Variants in SNTG2 observed in about 807,000 individuals in gnomAD.
The protein encoded by SNTG2 is gamma-2-syntrophin.
In SNTG2, 74 loss-of-function variants were observed where a neutral mutation model predicts 70.9. The observed-to-expected ratio is 1.04, with a 90% CI of 0.86 to 1.27. The LOEUF is 1.27. Ranked by LOEUF, SNTG2 falls within the 50% of genes most tolerant of loss-of-function variation. SNTG2 has a pLI of 0.00. For synonymous variants in SNTG2, 278 were observed against 273.8 expected (o/e 1.02, Z -0.15); for missense variants, 717 against 690.7 (o/e 1.04, Z -0.43).
At chr2:1,200,055 C>T (rs1673180695) in intron 8 of SNTG2, among the ~76,000 whole-genome samples, 1 of 151,578 alleles carries the variant, frequency 6.6e-6, no homozygotes, top group Admixed American at 6.6e-5. Flanking sequence ...GCATGAATAG[C>T]CAAAGCAATC....
In SNTG2 at chr2:951,763, C is replaced by T. The variant is rs148252418; in HGVS notation, c.72+695C>T. ...CTTCAAGTTGCCACCCACAGCACAG[C>T]CTCGAGTTGTGAAAACAGTTTAAGG... is the stretch of plus-strand genomic sequence containing the variant. On this transcript the variant is annotated intron_variant, in intron 1 of 16. Coordinates refer to ENST00000308624, the MANE Select transcript of SNTG2 (RefSeq NM_018968.4). Among the ~76,000 whole-genome samples, 5 of 152,336 alleles carry T rather than the reference C, an allele frequency of 3.3e-5. No individual in the cohort carries two copies. The East Asian group carries it at 5.8e-4, about 18-fold the overall frequency.
At chr2:1,030,793 C>CT (rs1292631971) in intron 1 of SNTG2, among the ~76,000 whole-genome samples, 2 of 152,226 alleles carry the variant, frequency 1.3e-5, no homozygotes, top group Non-Finnish European at 2.9e-5. Flanking sequence ...TGTGCATTTA[C>CT]TGATTTCCTT....
intron 1 of SNTG2, among the ~76,000 whole-genome samples, chr2:1,006,102 G>A (rs1659562599): frequency 1.4e-5 from 2 of 146,590 alleles, no homozygotes; most frequent in Non-Finnish European, 3.0e-5. Context: ...CTCACTCATA[G>A]GTGGGAATTG....
At chr2:1,052,714 T>C (rs1433387951) in intron 1 of SNTG2, among the ~76,000 whole-genome samples, 3 of 152,210 alleles carry the variant, frequency 2.0e-5, no homozygotes, top group African/African-American at 4.8e-5. Context: ...TGCCATCCTT[T>C]CGTGGAAGCA....
intron 1 of SNTG2, among the ~76,000 whole-genome samples, chr2:1,008,537 A>C: frequency 6.6e-6 from 1 of 152,338 alleles, no homozygotes; most frequent in East Asian, 1.9e-4. Flanking sequence ...AGTGTACTGC[A>C]TTAAAACATG....
intron 8 of SNTG2, among the ~76,000 whole-genome samples, chr2:1,178,583 A>G (rs1030551937): frequency 6.6e-6 from 1 of 151,926 alleles, no homozygotes; most frequent in Non-Finnish European, 1.5e-5. Flanking sequence ...GTCATTGGTT[A>G]TATTTATGTG....
At chr2:1,320,064 C>A (rs1463703504) in intron 16 of SNTG2, among the ~76,000 whole-genome samples, 3 of 152,040 alleles carry the variant, frequency 2.0e-5, no homozygotes, top group Non-Finnish European at 4.4e-5. Flanking sequence ...GAGTGGTAAC[C>A]ATGAAACAAG....
intron 1 of SNTG2, among the ~76,000 whole-genome samples, chr2:999,053 A>G (rs1661783625): frequency 6.6e-6 from 1 of 152,156 alleles, no homozygotes; most frequent in Non-Finnish European, 1.5e-5. Flanking sequence ...ACTAAGCTTC[A>G]TAAATGAGGG....
In SNTG2 at chr2:1,247,453, C is replaced by T. The variant is rs748106615; in HGVS notation, c.1005+10C>T. On this transcript the variant is annotated intron_variant, in intron 12 of 16. Transcript: ENST00000308624. ...TTTCAGCACTCCTCCGGTAAGGATG[C>T]TTTTGACACTCCACAGGGAGGGGCT... is the stretch of plus-strand genomic sequence containing the variant. 1.3e-6 allele frequency: 2 copies of T among 1,571,320 alleles called. No homozygotes were observed. Among genetic ancestry groups the T allele is most frequent in the Admixed American group, 1.7e-5 (1 of 59,876 alleles).
chr2:1,177,287 C>T (rs889175089), intron 8 of SNTG2, among the ~76,000 whole-genome samples: 1 of 151,978 alleles, frequency 6.6e-6, no homozygotes, highest in African/African-American at 2.4e-5. Flanking sequence ...TATGAGAACA[C>T]ATGGAGGGGA....
intron 8 of SNTG2, among the ~76,000 whole-genome samples, chr2:1,197,473 G>A (rs1338764499): frequency 7.3e-6 from 1 of 136,252 alleles, no homozygotes; most frequent in Non-Finnish European, 1.6e-5. Flanking sequence ...ATATATATAT[G>A]TGTATATATA....
intron 9 of SNTG2, among the ~76,000 whole-genome samples, chr2:1,221,353 C>T (rs1235258457): frequency 7.2e-5 from 11 of 151,932 alleles, no homozygotes; most frequent in Non-Finnish European, 1.2e-4. Flanking sequence ...GTCTCTGCCT[C>T]TGTCTCTGCC....
intron 1 of SNTG2, among the ~76,000 whole-genome samples, chr2:1,055,451 G>C (rs1051495635): frequency 6.6e-6 from 1 of 152,074 alleles, no homozygotes; most frequent in Non-Finnish European, 1.5e-5. Context: ...GACCCACACA[G>C]AAAGAATGCA....
intron 1 of SNTG2, among the ~76,000 whole-genome samples, chr2:1,022,998 A>G (rs1470223721): frequency 6.6e-6 from 1 of 152,222 alleles, no homozygotes; most frequent in African/African-American, 2.4e-5. Flanking sequence ...TGAGACTGGC[A>G]GCAAATGAGA....
intron 1 of SNTG2, among the ~76,000 whole-genome samples, chr2:965,086 CTGGA>C (rs1660489512): frequency 6.6e-6 from 1 of 151,554 alleles, no homozygotes; most frequent in Non-Finnish European, 1.5e-5. Flanking sequence ...CAGTCCTCCT[CTGGA>C]CTCCAGTTCT....
At chr2:1,309,806 A>C (rs1680892143) in intron 15 of SNTG2, among the ~76,000 whole-genome samples, 1 of 152,272 alleles carries the variant, frequency 6.6e-6, no homozygotes, top group South Asian at 2.1e-4. Context: ...TCTGCCATCC[A>C]GTATCCAGGT....
Position 1,173,120 on chromosome 2 carries a change from C to A in SNTG2, c.528C>A (p.Ser176Arg), listed in dbSNP as rs760810661. Reference sequence around the variant, plus strand: ...CCCCAGGGCCATCCAGCGACCACAGCAGTGGGGCCTCCTCTCCCCTCTTTG... The same window carrying A: ...CCCCAGGGCCATCCAGCGACCACAGAAGTGGGGCCTCCTCTCCCCTCTTTG... Reference protein sequence around the residue: ...LGSPGPSSDHSSGASSPLFDS... With the variant: ...LGSPGPSSDHRSGASSPLFDS... Residue 176 changes from serine (S) to arginine (R), a missense_variant, in exon 8 of 17, where the codon AGC becomes AGA. By Grantham distance (110) the Ser-to-Arg change is moderately radical (BLOSUM62 -1). Coordinates refer to ENST00000308624, the MANE Select transcript of SNTG2 (RefSeq NM_018968.4). The A allele has an allele frequency of 1.9e-6, 3 of 1,614,016 alleles. No homozygotes were observed. Among genetic ancestry groups the A allele is most frequent in the Non-Finnish European group, 2.5e-6 (3 of 1,179,896 alleles).
At chr2:1,334,897 A>G (rs545508898) in intron 16 of SNTG2, among the ~76,000 whole-genome samples, 9 of 152,202 alleles carry the variant, frequency 5.9e-5, no homozygotes, top group African/African-American at 1.9e-4. Flanking sequence ...AAACAACTTA[A>G]CCATGTAACC....
At chr2:1,117,270 A>G (rs1472601214) in intron 4 of SNTG2, among the ~76,000 whole-genome samples, 14 of 152,132 alleles carry the variant, frequency 9.2e-5, no homozygotes, top group Admixed American at 5.9e-4. Flanking sequence ...AGAGCCTTGG[A>G]TTGTTTAATA....
Sources: gnomAD v4.1 joint callset for allele counts (sites outside exome capture counted in the v4.1 genomes callset) on GRCh38, gnomAD v4.1.1 for gene constraint, MANE v1.5 for transcripts, NCBI Gene and HGNC (gene_info 2026-07-23, HGNC 2026-07-21) for gene names.